Variants in GPD2 observed in about 807,000 individuals in gnomAD.
GPD2 encodes the protein glycerol-3-phosphate dehydrogenase 2.
A neutral mutation model predicts 82.4 loss-of-function variants in GPD2; 54 were observed. The ratio of observed to expected loss-of-function variants is 0.66; its 90% CI spans 0.53 to 0.82. GPD2 has a LOEUF of 0.82. Among genes scored for constraint, GPD2 ranks in the 40% least tolerant of loss-of-function variants. The pLI is 0.00. For synonymous variants in GPD2, 288 were observed against 306.1 expected (o/e 0.94, Z 0.62); for missense variants, 748 against 896.2 (o/e 0.83, Z 2.11).
chr2:156,573,606 G>T (rs1197514034), intron 13 of GPD2, among the ~76,000 whole-genome samples: 2 of 152,114 alleles, frequency 1.3e-5, no homozygotes, highest in South Asian at 2.1e-4. Flanking sequence ...CTGTAAACTG[G>T]TTGTGTTTGG....
chr2:156,447,964 C>T (rs900832114), intron 1 of GPD2, among the ~76,000 whole-genome samples: 4 of 152,170 alleles, frequency 2.6e-5, no homozygotes, highest in Non-Finnish European at 5.9e-5. Flanking sequence ...CTTGCATGTC[C>T]CACAGTTGAG....
intron 16 of GPD2, among the ~76,000 whole-genome samples, chr2:156,581,870 C>T (rs1688036446): frequency 6.6e-6 from 1 of 151,820 alleles, no homozygotes; most frequent in African/African-American, 2.4e-5. Flanking sequence ...AGCAACGTGT[C>T]TCTATAGGCT....
rs778433137 is a variant in GPD2, at chr2:156,571,171, T to A, written c.1646T>A (p.Val549Glu). The A allele has an allele frequency of 1.2e-6, 2 of 1,611,072 alleles. No individual in the cohort carries two copies. Residue 549 changes from valine to glutamate, a missense_variant, in exon 13 of 17, where the codon GTG (valine) becomes GAG (glutamate). Around this residue, in one of 3 missense-constraint regions of GPD2, gnomAD observed 692 missense variants for 809.7 expected, o/e 0.85. Coordinates refer to ENST00000438166, the MANE Select transcript of GPD2 (RefSeq NM_000408.5). ...YGIKEYACTA[V>E]DMISRRTRLA... is the part of the protein sequence containing the mutation. ...ATTAAGGAGTATGCCTGCACTGCTGTGGATATGATTTCACGTCGTACTCGC... is the reference window on the plus strand; with the variant it reads ...ATTAAGGAGTATGCCTGCACTGCTGAGGATATGATTTCACGTCGTACTCGC...
chr2:156,507,826 T>C (rs1684842009), intron 3 of GPD2, among the ~76,000 whole-genome samples: 1 of 152,138 alleles, frequency 6.6e-6, no homozygotes, highest in Admixed American at 6.6e-5. Flanking sequence ...GTACCTGCAC[T>C]CCAACCCCTG....
At chr2:156,447,783 G>C (rs1013120092) in intron 1 of GPD2, among the ~76,000 whole-genome samples, 1 of 152,134 alleles carries the variant, frequency 6.6e-6, no homozygotes, top group Admixed American at 6.5e-5. Context: ...ACTCCTTATG[G>C]ATCTCTCTGC....
At chr2:156,457,824 G>A (rs746897124) in intron 1 of GPD2, among the ~76,000 whole-genome samples, 7 of 152,254 alleles carry the variant, frequency 4.6e-5, no homozygotes, top group Non-Finnish European at 8.8e-5. Flanking sequence ...TAGATGCTCA[G>A]TAATGTTATG....
intron 2 of GPD2, among the ~76,000 whole-genome samples, chr2:156,482,818 A>C (rs937098460): frequency 3.3e-5 from 5 of 152,206 alleles, no homozygotes; most frequent in African/African-American, 1.2e-4. Context: ...ATATGAAAAA[A>C]AACCCTGATA....
chr2:156,454,355 A>G (rs1682716878), intron 1 of GPD2, among the ~76,000 whole-genome samples: 1 of 152,092 alleles, frequency 6.6e-6, no homozygotes, highest in African/African-American at 2.4e-5. Flanking sequence ...CTGAAACTAG[A>G]CCTAAGTATG....
intron 6 of GPD2, among the ~76,000 whole-genome samples, chr2:156,531,510 C>T (rs372629875): frequency 3.3e-5 from 5 of 152,182 alleles, no homozygotes; most frequent in African/African-American, 7.2e-5. Flanking sequence ...TGACAAAAAC[C>T]GGGGTCTCTC....
chr2:156,550,821 C>A, intron 8 of GPD2, 75 bp downstream of exon 8: 2 of 1,210,410 alleles, frequency 1.7e-6, no homozygotes, highest in East Asian at 2.4e-5. Flanking sequence ...ATTTCTTCTT[C>A]TAGCATAGCA....
intron 1 of GPD2, among the ~76,000 whole-genome samples, chr2:156,443,867 A>T (rs555542448): frequency 2.0e-5 from 3 of 152,336 alleles, no homozygotes; most frequent in African/African-American, 7.2e-5. Flanking sequence ...ATGAATTCCT[A>T]ACAAGATGAC....
intron 6 of GPD2, among the ~76,000 whole-genome samples, chr2:156,527,433 C>G (rs9288592): frequency 0.28 from 42,515 of 151,892 alleles, 6,390 homozygotes; most frequent in East Asian, 0.58. Context: ...TAGTAAAACC[C>G]TCTGTAGATC....
chr2:156,533,591 C>G (rs567484738), intron 6 of GPD2, among the ~76,000 whole-genome samples: 52 of 152,300 alleles, frequency 3.4e-4, no homozygotes, highest in African/African-American at 1.2e-3. Flanking sequence ...GAGAAAACTT[C>G]CTGTCAACAG....
intron 2 of GPD2, among the ~76,000 whole-genome samples, chr2:156,483,109 A>G (rs901514385): frequency 1.3e-5 from 2 of 151,946 alleles, no homozygotes; most frequent in Non-Finnish European, 2.9e-5. Flanking sequence ...AGATTGGACA[A>G]GAAGCAAAAA....
intron 6 of GPD2, among the ~76,000 whole-genome samples, chr2:156,543,466 A>G (rs1686404516): frequency 6.6e-6 from 1 of 152,232 alleles, no homozygotes; most frequent in African/African-American, 2.4e-5. Flanking sequence ...GCTGTGCATT[A>G]TAGACTCAGT....
chr2:156,580,347 A>G (rs888561411), intron 16 of GPD2, among the ~76,000 whole-genome samples: 6 of 152,186 alleles, frequency 3.9e-5, no homozygotes, highest in Admixed American at 1.3e-4. Context: ...TCCATTTCCA[A>G]TTGTTAATTT....
the GPD2 span, among the ~76,000 whole-genome samples, chr2:156,428,389 T>A: frequency 6.6e-6 from 1 of 152,210 alleles, no homozygotes; most frequent in Non-Finnish European, 1.5e-5. Context: ...AGGGCAGGAC[T>A]TTTGCTGTAT....
chr2:156,483,283 T>C (rs1392882286), intron 2 of GPD2, among the ~76,000 whole-genome samples: 2 of 152,246 alleles, frequency 1.3e-5, no homozygotes, highest in Non-Finnish European at 2.9e-5. Context: ...GAACCTGTTG[T>C]AGCGTGTGTA....
chr2:156,451,512 G>A (rs1387821550), intron 1 of GPD2, among the ~76,000 whole-genome samples: 303 of 24,036 alleles, frequency 0.013, 32 homozygotes, highest in African/African-American at 0.043. Flanking sequence ...CTGGCCGAGC[G>A]GGGGGGCTGA....
Sources: allele counts gnomAD v4.1 joint callset (sites outside exome capture counted in the v4.1 genomes callset), GRCh38; gene constraint gnomAD v4.1.1; regional missense constraint gnomAD v4.1.1; transcripts MANE v1.5; gene names NCBI Gene and HGNC (gene_info 2026-07-23, HGNC 2026-07-21).